The following LLGL2 variants were observed in gnomAD, a reference collection of about 807,000 sequenced individuals.
LLGL2 encodes LLGL scribble cell polarity complex component 2, also known as LLGL2, scribble cell polarity complex component.
In LLGL2, 81 loss-of-function variants were observed where a neutral mutation model predicts 123.2. That is an observed-to-expected ratio of 0.66 (90% CI 0.55 to 0.79). The LOEUF (loss-of-function observed/expected upper bound fraction) is 0.79. LLGL2 is among the 30% of genes least tolerant of loss of function. LLGL2 has a pLI of 0.00. For missense variants in LLGL2, 1,273 were observed against 1,414.6 expected, an observed-to-expected ratio of 0.90 and a Z score of 1.61; for synonymous variants, 577 against 594.1, an observed-to-expected ratio of 0.97 and a Z score of 0.42.
chr17:75,567,951 A>G (rs2055516280), intron 10 of LLGL2: 1 of 266,828 alleles, frequency 3.7e-6, no homozygotes, highest in Non-Finnish European at 5.2e-6. Flanking sequence ...TCGAGAAAAG[A>G]AAAAAAAAAA....
At chr17:75,529,620 T>C (rs1296656676) in intron 1 of LLGL2, among the ~76,000 whole-genome samples, 2 of 151,978 alleles carry the variant, frequency 1.3e-5, no homozygotes, top group Non-Finnish European at 2.9e-5. Flanking sequence ...CCCAGCACTT[T>C]GGGAGACCGA....
At chr17:75,530,958 C>T (rs1357675361) in intron 1 of LLGL2, among the ~76,000 whole-genome samples, 1 of 152,096 alleles carries the variant, frequency 6.6e-6, no homozygotes, top group Non-Finnish European at 1.5e-5. Flanking sequence ...CTTGGGAGGG[C>T]CAAGAGTGAG....
At position 75,558,621 on chromosome 17, in the gene LLGL2, C is replaced by A; in HGVS notation, c.365C>A (p.Pro122His). 6.2e-7 allele frequency: 1 copy of A among 1,601,268 alleles called. No homozygotes were observed. Among genetic ancestry groups the A allele is most frequent in the Non-Finnish European group, 8.5e-7 (1 of 1,174,260 alleles). Residue 122 changes from proline (P) to histidine (H), a missense_variant, in exon 5 of 26, where the codon CCC (proline) becomes CAC (histidine). Coordinates refer to ENST00000392550, the MANE Select transcript of LLGL2 (RefSeq NM_001031803.2). The surrounding 1 kb of genome is among the most constrained non-coding windows in gnomAD (Gnocchi z 4.0). ...GATGAGAGCTTCACACTGCGTGGAC[C>A]CCCAGGGTAAGGGCTCAATCCCCAG... ...QEDESFTLRG[P>H]PGAAPSATQI... is the part of the protein sequence containing the mutation.
intron 1 of LLGL2, among the ~76,000 whole-genome samples, chr17:75,539,030 C>G (rs767884155): frequency 7.2e-5 from 11 of 152,028 alleles, no homozygotes; most frequent in Non-Finnish European, 1.5e-4. Flanking sequence ...GTAGCTGGGA[C>G]CACAGGTGCT....
chr17:75,561,350 G>T (rs2147425454), intron 6 of LLGL2, among the ~76,000 whole-genome samples: 1 of 152,280 alleles, frequency 6.6e-6, no homozygotes, highest in African/African-American at 2.4e-5. Context: ...CATTTATTAA[G>T]AATATCTAGA....
rs765413326 is a variant in LLGL2 at position 75,570,183 on chromosome 17, G to A, written c.1802G>A (p.Arg601Gln). Residue 601 changes from arginine to glutamine, a missense_variant, in exon 15 of 26, where the codon CGG becomes CAG. Physicochemically the swap from Arg to Gln is conservative, Grantham distance 43. Coordinates refer to ENST00000392550, the MANE Select transcript of LLGL2 (RefSeq NM_001031803.2). ...TCCTTGGCCCTGCACTCTGAGTGGC[G>A]GCTCGTGGCCTTCGGCACCAGCCAT... ...VTSLALHSEWRLVAFGTSHGF... is the reference protein window; with the variant it reads ...VTSLALHSEWQLVAFGTSHGF... 26 of 1,588,602 alleles carry A rather than the reference G, an allele frequency of 1.6e-5. No individual in the cohort carries two copies. Among genetic ancestry groups the A allele is most frequent in the Non-Finnish European group, 2.1e-5 (25 of 1,169,884 alleles).
chr17:75,538,747 C>T (rs1252654652), intron 1 of LLGL2: 1 of 152,146 alleles, frequency 6.6e-6, no homozygotes, highest in African/African-American at 2.4e-5. Context: ...ATTGCAGCTT[C>T]AGGTCGGGGA....
chr17:75,554,015 T>C (rs892773024), intron 2 of LLGL2, among the ~76,000 whole-genome samples: 1 of 152,100 alleles, frequency 6.6e-6, no homozygotes, highest in Non-Finnish European at 1.5e-5. Flanking sequence ...TTAAAAGTCA[T>C]TTTAGGCCGG....
chr17:75,572,661 T>C, intron 19 of LLGL2, among the ~76,000 whole-genome samples: 1 of 73,376 alleles, frequency 1.4e-5, no homozygotes. Flanking sequence ...CGAGATTCCG[T>C]CTCAAAAAAA....
chr17:75,528,678 C>T (rs540354350), intron 1 of LLGL2, among the ~76,000 whole-genome samples: 35 of 151,632 alleles, frequency 2.3e-4, no homozygotes, highest in African/African-American at 8.0e-4. Context: ...GTGGAGGTTG[C>T]GGTGAGCCAA....
intron 1 of LLGL2, among the ~76,000 whole-genome samples, chr17:75,535,999 G>T (rs2053986570): frequency 6.6e-6 from 1 of 152,208 alleles, no homozygotes. Flanking sequence ...GTAGAAAGTG[G>T]ATGGGAACCA....
intron 1 of LLGL2, among the ~76,000 whole-genome samples, chr17:75,533,321 T>C (rs1217050243): frequency 2.2e-5 from 3 of 135,848 alleles, no homozygotes; most frequent in African/African-American, 8.7e-5. Flanking sequence ...TTTTTTTTTT[T>C]TGAGATGGAG....
At position 75,558,629 on chromosome 17, in the gene LLGL2, T is replaced by C. The variant is rs779254128; in HGVS notation, c.371+2T>C. On this transcript the variant is annotated splice_donor_variant, in intron 5 of 25. Coordinates refer to ENST00000392550, the MANE Select transcript of LLGL2 (RefSeq NM_001031803.2). LOFTEE classifies it high-confidence loss of function. This position sits in a 1 kb window ranked among gnomAD's most constrained non-coding sequence, Gnocchi z 4.0. Reference sequence around the variant, plus strand: ...CTTCACACTGCGTGGACCCCCAGGGTAAGGGCTCAATCCCCAGCCCCTTCC... The same window carrying C: ...CTTCACACTGCGTGGACCCCCAGGGCAAGGGCTCAATCCCCAGCCCCTTCC... 3.1e-6 allele frequency: 5 copies of C among 1,593,148 alleles called. No homozygotes were observed. The South Asian group carries it at 5.7e-5, about 18-fold the overall frequency.
chr17:75,557,335 A>T (rs2054961058), intron 3 of LLGL2, among the ~76,000 whole-genome samples: 1 of 152,116 alleles, frequency 6.6e-6, no homozygotes, highest in Non-Finnish European at 1.5e-5. Context: ...GGCGGCAGAG[A>T]GTGGAGAGGG....
At chr17:75,538,933 C>T (rs2054107215) in intron 1 of LLGL2, among the ~76,000 whole-genome samples, 1 of 152,116 alleles carries the variant, frequency 6.6e-6, no homozygotes, top group African/African-American at 2.4e-5. Context: ...CGCTCTGTGG[C>T]CCAGGCTGGA....
At chr17:75,527,167 C>A (rs75065631) in intron 1 of LLGL2, among the ~76,000 whole-genome samples, 687 of 129,624 alleles carry the variant, frequency 5.3e-3, no homozygotes, top group Non-Finnish European at 6.2e-3. Flanking sequence ...GACCCTGTCT[C>A]AAAAAAAAAA....
intron 1 of LLGL2, among the ~76,000 whole-genome samples, chr17:75,533,369 A>C (rs1442863767): frequency 1.6e-5 from 2 of 126,772 alleles, no homozygotes; most frequent in African/African-American, 6.2e-5. Flanking sequence ...CAGTGGCACG[A>C]TCTCGGCTCA....
At chr17:75,533,299 CTTTTTTTTTTTT>C (rs532813559) in intron 1 of LLGL2, among the ~76,000 whole-genome samples, 1 of 82,914 alleles carries the variant, frequency 1.2e-5, no homozygotes, top group Non-Finnish European at 2.3e-5. Flanking sequence ...GCACCTGGCC[CTTTTTTTTTTTT>C]TTTTTTTTTT....
chr17:75,569,534 G>A (rs2055598477), intron 14 of LLGL2, among the ~76,000 whole-genome samples: 1 of 152,228 alleles, frequency 6.6e-6, no homozygotes, highest in South Asian at 2.1e-4. Context: ...CGGGCACGGT[G>A]GCTCATGCCT....
Sources: allele counts gnomAD v4.1 joint callset (sites outside exome capture counted in the v4.1 genomes callset), GRCh38; gene constraint gnomAD v4.1.1; non-coding constraint Gnocchi (gnomAD v3.1); transcripts MANE v1.5; gene names NCBI Gene and HGNC (gene_info 2026-07-23, HGNC 2026-07-21).